Variants in KLF12 observed in about 807,000 individuals in gnomAD.
The protein encoded by KLF12 is KLF transcription factor 12.
In KLF12, 9 loss-of-function variants were observed where a neutral mutation model predicts 37.8. The observed-to-expected ratio is 0.24, with a 90% CI of 0.14 to 0.42. The LOEUF (loss-of-function observed/expected upper bound fraction) is 0.42, where lower values mean the gene tolerates loss of function less well. KLF12 is among the 10% of genes least tolerant of loss of function. The pLI is 1.00. For missense variants in KLF12, 411 were observed against 516.0 expected, an observed-to-expected ratio of 0.80 and a Z score of 1.97; for synonymous variants, 208 against 202.1, an observed-to-expected ratio of 1.03 and a Z score of -0.25.
intron 1 of KLF12, among the ~76,000 whole-genome samples, chr13:74,011,289 ATTT>A (rs1892545251): frequency 6.6e-6 from 1 of 151,992 alleles, no homozygotes; most frequent in Non-Finnish European, 1.5e-5. Context: ...ACAGTATAAA[ATTT>A]CTGTTCACAG....
At chr13:74,295,859 GC>G in the KLF12 span, among the ~76,000 whole-genome samples, 1 of 152,006 alleles carries the variant, frequency 6.6e-6, no homozygotes, top group African/African-American at 2.4e-5. Context: ...TGTCGCCCAG[GC>G]TGGAGTACAG....
intron 1 of KLF12, among the ~76,000 whole-genome samples, chr13:74,005,806 G>T (rs1892396361): frequency 6.6e-6 from 1 of 152,152 alleles, no homozygotes; most frequent in Non-Finnish European, 1.5e-5. Flanking sequence ...ATCACGGACG[G>T]TTGCTGGTTG....
At chr13:73,732,678 C>T (rs1264659088) in intron 6 of KLF12, among the ~76,000 whole-genome samples, 2 of 152,180 alleles carry the variant, frequency 1.3e-5, no homozygotes, top group Admixed American at 1.3e-4. Context: ...TCAACTCTTC[C>T]TTGAGTGATC....
At chr13:73,948,774 C>A (rs970905308) in intron 2 of KLF12, among the ~76,000 whole-genome samples, 2 of 152,142 alleles carry the variant, frequency 1.3e-5, no homozygotes, top group African/African-American at 4.8e-5. Context: ...AATTGCAAAA[C>A]CTTTGCTTAT....
At chr13:74,057,311 G>C (rs1432980413) in intron 1 of KLF12, among the ~76,000 whole-genome samples, 3 of 152,162 alleles carry the variant, frequency 2.0e-5, no homozygotes, top group Non-Finnish European at 4.4e-5. Flanking sequence ...ATAATGGCGA[G>C]ACAGACACAA....
At chr13:73,999,614 C>T (rs1892217318) in intron 1 of KLF12, among the ~76,000 whole-genome samples, 1 of 151,626 alleles carries the variant, frequency 6.6e-6, no homozygotes, top group African/African-American at 2.4e-5. Context: ...GTGGCGGGCG[C>T]CTGTAGTCCC....
chr13:74,123,110 T>A (rs763531653), intron 1 of KLF12, among the ~76,000 whole-genome samples: 4 of 152,080 alleles, frequency 2.6e-5, no homozygotes, highest in Admixed American at 2.6e-4. Flanking sequence ...TGTGTTTCTT[T>A]GAAAACTTAA....
intron 1 of KLF12, among the ~76,000 whole-genome samples, chr13:74,016,548 A>G (rs1339298024): frequency 6.6e-6 from 1 of 152,136 alleles, no homozygotes; most frequent in Non-Finnish European, 1.5e-5. Context: ...TTTTTGGTAG[A>G]GACGAGGTCT....
Position 73,845,970 on chromosome 13 carries a change from T to C in KLF12, c.527A>G (p.Gln176Arg). 1.9e-6 allele frequency: 3 copies of C among 1,614,160 alleles called. No homozygotes were observed. In the South Asian group the frequency reaches 3.3e-5, roughly 18 times the overall value. The change falls in exon 4 of 8, where the codon CAG becomes CGG. Residue 176 changes from glutamine (Q) to arginine (R), a missense_variant. Gln to Arg is a conservative substitution (Grantham distance 43). Transcript: ENST00000377669. ...GTGAACATGACTCAGTTTGTTAGAC[T>C]GTAAATTCATGGGACTTGAAGGCGG...
At chr13:73,943,517 T>C (rs1419519191) in intron 3 of KLF12, among the ~76,000 whole-genome samples, 1 of 152,216 alleles carries the variant, frequency 6.6e-6, no homozygotes, top group Non-Finnish European at 1.5e-5. Flanking sequence ...AACTATCCCC[T>C]AGTACTCCTA....
rs114600408 is a variant in KLF12, at chr13:74,115,938, C to A, written c.-32+17801G>T. On this transcript the variant is annotated intron_variant, in intron 1 of 7. Transcript: ENST00000377669. ...ACATAATTACACGTGCAAAAACCAC[C>A]TTCCAAACAAGGCAATATTCACATA... Among the ~76,000 whole-genome samples the A allele has an allele frequency of 9.6e-4, 146 of 152,236 alleles. 1 individual carries two copies. Among genetic ancestry groups the A allele is most frequent in the African/African-American group, 3.0e-3 (126 of 41,542 alleles).
intron 2 of KLF12, among the ~76,000 whole-genome samples, chr13:73,966,944 G>A (rs1351808214): frequency 6.6e-6 from 1 of 152,132 alleles, no homozygotes; most frequent in African/African-American, 2.4e-5. Context: ...GACATGCATT[G>A]CATATTGACC....
intron 4 of KLF12, among the ~76,000 whole-genome samples, chr13:73,838,241 CTT>C (rs1179580458): frequency 6.6e-6 from 1 of 152,086 alleles, no homozygotes; most frequent in Admixed American, 6.6e-5. Context: ...TAAAAATACA[CTT>C]GTGGCTTCTT....
intron 1 of KLF12, among the ~76,000 whole-genome samples, chr13:74,112,371 CACT>C (rs1316320676): frequency 2.3e-5 from 3 of 128,174 alleles, no homozygotes; most frequent in Non-Finnish European, 4.9e-5. Flanking sequence ...CATTTTACTG[CACT>C]TTGCAGATAT....
At chr13:74,078,630 A>C (rs1593881302) in intron 1 of KLF12, among the ~76,000 whole-genome samples, 1 of 152,326 alleles carries the variant, frequency 6.6e-6, no homozygotes, top group Admixed American at 6.5e-5. Context: ...GCTCAACTGT[A>C]ATTAATGATG....
chr13:74,249,762 T>C, the KLF12 span, among the ~76,000 whole-genome samples: 1 of 152,182 alleles, frequency 6.6e-6, no homozygotes, highest in South Asian at 2.1e-4. Flanking sequence ...AGAAATGCTC[T>C]GTGGGGTCCT....
the KLF12 span, among the ~76,000 whole-genome samples, chr13:74,201,232 C>A: frequency 6.6e-6 from 1 of 152,124 alleles, no homozygotes; most frequent in Non-Finnish European, 1.5e-5. Context: ...ATTTGTAAAT[C>A]TTTTTTTCCA....
chr13:74,115,829 C>A (rs980145230), intron 1 of KLF12, among the ~76,000 whole-genome samples: 39 of 152,148 alleles, frequency 2.6e-4, no homozygotes, highest in Non-Finnish European at 1.2e-4. Flanking sequence ...ATTGCCTTCT[C>A]CTCCTCTGAC....
At chr13:74,181,791 T>C in the KLF12 span, among the ~76,000 whole-genome samples, 10 of 152,242 alleles carry the variant, frequency 6.6e-5, no homozygotes, top group South Asian at 2.1e-3. Flanking sequence ...CTTGATTTTA[T>C]TTGACTGTAT....
Sources: gnomAD v4.1 joint callset for allele counts (sites outside exome capture counted in the v4.1 genomes callset) on GRCh38, gnomAD v4.1.1 for gene constraint, MANE v1.5 for transcripts, NCBI Gene and HGNC (gene_info 2026-07-23, HGNC 2026-07-21) for gene names.